ARHGEF9: variants seen among roughly 807,000 people sequenced by gnomAD.
ARHGEF9 encodes rho guanine nucleotide exchange factor 9.
Under a neutral mutation model 41.3 loss-of-function variants are expected in ARHGEF9, and 2 were observed. The observed-to-expected ratio is 0.05, with a 90% CI of 0.02 to 0.15. The LOEUF (loss-of-function observed/expected upper bound fraction) is 0.15. Among genes scored for constraint, ARHGEF9 ranks in the 10% least tolerant of loss-of-function variants. The probability of loss-of-function intolerance (pLI) is 1.00; values close to 1 mark genes in which losing one functional copy is unlikely to be tolerated. For synonymous variants in ARHGEF9, 160 were observed against 154.4 expected, an observed-to-expected ratio of 1.04 and a Z score of -0.27; for missense variants, 225 against 424.7, an observed-to-expected ratio of 0.53 and a Z score of 4.13.
intron 1 of ARHGEF9, among the ~76,000 whole-genome samples, chrX:63,768,178 ATGCCTTTGTG>A (rs1556452773): frequency 2.2e-4 from 25 of 111,715 alleles, no homozygotes; most frequent in Non-Finnish European, 4.3e-4. Context: ...ACCACTTTGT[ATGCCTTTGTG>A]TACCCATAGC....
rs782580975 is a variant in ARHGEF9, at chrX:63,638,112, C to T, written c.1488G>A (p.Ser496=). ...TGGGTTCGGTGAACTCAAAGACCTG[C>T]GACTGAGCGATGCCGTCGGGGACCA... The part of the protein sequence containing the change: ...QYLVPDGIAQ[S]QVFEFTEPKR... The change falls in exon 10 of 10, where the codon TCG becomes TCA. Residue 496 remains serine, a synonymous_variant. Transcript: ENST00000671741. 159 of 1,206,575 alleles carry T rather than the reference C, an allele frequency of 1.3e-4. No homozygotes were observed. Among genetic ancestry groups the T allele is most frequent in the Admixed American group, 7.7e-4 (35 of 45,376 alleles).
intron 8 of ARHGEF9, among the ~76,000 whole-genome samples, chrX:63,648,208 G>A (rs1314924408): frequency 9.0e-5 from 10 of 111,040 alleles, no homozygotes; most frequent in Admixed American, 1.9e-4. Context: ...GAGAAAGGTC[G>A]GGTCACCCAC....
chrX:63,755,906 G>A, intron 1 of ARHGEF9: 3 of 737,342 alleles, frequency 4.1e-6, no homozygotes, highest in Non-Finnish European at 4.8e-6. Context: ...CCAGCATTCT[G>A]GGTACTATGA....
chrX:63,719,996 A>C (rs1556412632), intron 2 of ARHGEF9: 12 of 249,319 alleles, frequency 4.8e-5, no homozygotes, highest in East Asian at 1.8e-4. Context: ...ATAAGGATTC[A>C]TAAGGGCCAC....
chrX:63,761,795 C>T (rs868917732), intron 1 of ARHGEF9, among the ~76,000 whole-genome samples: 2 of 111,698 alleles, frequency 1.8e-5, no homozygotes, highest in Middle Eastern at 9.2e-3. Context: ...ACCCAGGAAA[C>T]AGCAGTTTCC....
chrX:63,755,930 T>G (rs2055915469), intron 1 of ARHGEF9: 1 of 660,058 alleles, frequency 1.5e-6, no homozygotes, highest in South Asian at 7.8e-5. Flanking sequence ...GAAGCCAGCA[T>G]AGGGTTAAAC....
Position 63,785,170 on chromosome X carries a change from T to C in ARHGEF9, c.-25A>G, listed in dbSNP as rs2056442054. 1.8e-5 allele frequency: 21 copies of C among 1,162,297 alleles called. No individual in the cohort carries two copies. The highest frequency in any genetic ancestry group is 2.4e-5 in the Non-Finnish European group (21 of 869,917). On this transcript the variant is annotated 5_prime_UTR_variant, in exon 1 of 10. Coordinates refer to ENST00000671741, the MANE Select transcript of ARHGEF9 (RefSeq NM_001353921.2). The stretch of plus-strand genomic sequence containing the variant: ...TGGTGCTTGCGAAGTCCGGCTTCTC[T>C]GAGGCCCCGTAGCTGGCGCGAGTTG...
At chrX:63,666,962 C>T (rs1263546049) in intron 6 of ARHGEF9, among the ~76,000 whole-genome samples, 1 of 111,247 alleles carries the variant, frequency 9.0e-6, no homozygotes, top group Non-Finnish European at 1.9e-5. Context: ...TAGACCTGGC[C>T]CCTGTCCTCA....
intron 7 of ARHGEF9, among the ~76,000 whole-genome samples, chrX:63,655,940 C>T (rs181586643): frequency 3.6e-5 from 4 of 112,067 alleles, no homozygotes; most frequent in African/African-American, 1.3e-4. Flanking sequence ...AAGCCTCTGT[C>T]TCACCTCGAA....
chrX:63,776,964 G>A (rs1184929528), intron 1 of ARHGEF9, among the ~76,000 whole-genome samples: 2 of 111,514 alleles, frequency 1.8e-5, no homozygotes, highest in Non-Finnish European at 3.8e-5. Context: ...ACTCATCAGG[G>A]CTGAGACTGT....
chrX:63,771,193 T>G (rs1382831921), intron 1 of ARHGEF9, among the ~76,000 whole-genome samples: 2 of 112,198 alleles, frequency 1.8e-5, no homozygotes, highest in African/African-American at 6.5e-5. Flanking sequence ...TTTGAAAATA[T>G]GAAATACCAA....
At chrX:63,735,244 A>G (rs1297101303) in intron 1 of ARHGEF9, among the ~76,000 whole-genome samples, 15 of 111,790 alleles carry the variant, frequency 1.3e-4, no homozygotes, top group South Asian at 1.1e-3. Flanking sequence ...GAATTTCTTC[A>G]TGTAGTCGCC....
chrX:63,710,322 C>T (rs782131711), intron 2 of ARHGEF9, among the ~76,000 whole-genome samples: 1 of 97,779 alleles, frequency 1.0e-5, no homozygotes, highest in Admixed American at 1.1e-4. Flanking sequence ...AAAAAAAAAC[C>T]TCAGGACTAG....
intron 2 of ARHGEF9, among the ~76,000 whole-genome samples, chrX:63,714,443 C>T (rs1470506993): frequency 4.5e-5 from 5 of 112,153 alleles, no homozygotes; most frequent in Admixed American, 9.4e-5. Flanking sequence ...CAGGGGGATG[C>T]ATCAAAGTGG....
intron 4 of ARHGEF9, among the ~76,000 whole-genome samples, chrX:63,692,582 G>A (rs1556382634): frequency 8.9e-6 from 1 of 112,183 alleles, no homozygotes; most frequent in African/African-American, 3.2e-5. Flanking sequence ...AGGATGCAGA[G>A]AACAGAGAAC....
At chrX:63,759,307 C>T (rs529490541) in intron 1 of ARHGEF9, among the ~76,000 whole-genome samples, 47 of 110,860 alleles carry the variant, frequency 4.2e-4, no homozygotes, top group Middle Eastern at 4.6e-3. Flanking sequence ...AGTAGCAATA[C>T]CCCTCCCGAG....
At chrX:63,746,485 C>A (rs1265591646) in intron 1 of ARHGEF9, among the ~76,000 whole-genome samples, 1 of 111,574 alleles carries the variant, frequency 9.0e-6, no homozygotes, top group Admixed American at 9.5e-5. Context: ...AGAAGCACTG[C>A]AGGATGTGGT....
rs782806516 is a variant in ARHGEF9, at chrX:63,638,082, G to A, written c.1518C>T (p.Arg506=). 15 of 1,208,507 alleles carry A rather than the reference G, an allele frequency of 1.2e-5. No individual in the cohort carries two copies. Among genetic ancestry groups the A allele is most frequent in the Non-Finnish European group, 1.6e-5 (14 of 894,823 alleles). ...AGTTTTGCCAGAATGGTGACTGGCT[G>A]CGCTTGGGTTCGGTGAACTCAAAGA... ...SQVFEFTEPK[R]SQSPFWQNFS... Residue 506 remains arginine, a synonymous_variant, in exon 10 of 10, where the codon CGC becomes CGT. Transcript: ENST00000671741.
intron 7 of ARHGEF9, among the ~76,000 whole-genome samples, chrX:63,665,556 T>C: frequency 8.9e-6 from 1 of 112,564 alleles, no homozygotes; most frequent in Non-Finnish European, 1.9e-5. Flanking sequence ...AAGATAGACA[T>C]ATTTCAATAT....
Sources: allele counts gnomAD v4.1 joint callset (sites outside exome capture counted in the v4.1 genomes callset), GRCh38; gene constraint gnomAD v4.1.1; transcripts MANE v1.5; gene names NCBI Gene and HGNC (gene_info 2026-07-23, HGNC 2026-07-21).